SLCO4C1: variants seen among roughly 807,000 people sequenced by gnomAD.
The protein encoded by SLCO4C1 is organic anion transporter M1.
A neutral mutation model predicts 72.1 loss-of-function variants in SLCO4C1; 58 were observed. That is an observed-to-expected ratio of 0.80 (90% confidence interval 0.65 to 1.00). The LOEUF (loss-of-function observed/expected upper bound fraction) is 1.00, where lower values mean the gene tolerates loss of function less well. Among genes scored for constraint, SLCO4C1 ranks in the 50% least tolerant of loss-of-function variants. The probability of loss-of-function intolerance (pLI) is 0.00; values close to 1 mark genes in which losing one functional copy is unlikely to be tolerated. For synonymous variants in SLCO4C1, 297 were observed against 312.5 expected (o/e 0.95, Z 0.52); for missense variants, 898 against 857.9 (o/e 1.05, Z -0.58).
chr5:102,242,701 A>G (rs1446495695), intron 10 of SLCO4C1, among the ~76,000 whole-genome samples: 1 of 152,082 alleles, frequency 6.6e-6, no homozygotes, highest in Non-Finnish European at 1.5e-5. Flanking sequence ...CAGCACCAAT[A>G]CCCAGATACT....
At chr5:102,263,532 A>T (rs2112364443) in intron 4 of SLCO4C1, 152 bp downstream of exon 4, 2 of 547,338 alleles carry the variant, frequency 3.7e-6, no homozygotes, top group Non-Finnish European at 6.3e-6. Context: ...GCCAAATAAG[A>T]TATTATATAA....
At position 102,236,879 on chromosome 5, in the gene SLCO4C1, G is replaced by C; in HGVS notation, c.2154C>G (p.Asn718Lys). 6.2e-7 allele frequency: 1 copy of C among 1,611,730 alleles called. No homozygotes were observed. The highest frequency in any genetic ancestry group is 1.1e-5 in the South Asian group (1 of 90,482). Reference sequence around the variant, plus strand: ...CATTTCACCCTTCTTTTACTATTTTGTTGAGATCCTGTTCTGCTAAAACAT... The same window carrying C: ...CATTTCACCCTTCTTTTACTATTTTCTTGAGATCCTGTTCTGCTAAAACAT... ...VTNVLAEQDL[N>K]KIVKEG The change falls in exon 13 of 13, where the codon AAC becomes AAG. Residue 718 changes from asparagine to lysine, a missense_variant. Asn to Lys is a moderately conservative substitution (Grantham distance 94, BLOSUM62 0). Transcript: ENST00000310954.
intron 8 of SLCO4C1, among the ~76,000 whole-genome samples, chr5:102,254,108 A>G (rs1748791731): frequency 6.6e-6 from 1 of 152,120 alleles, no homozygotes; most frequent in Admixed American, 6.5e-5. Flanking sequence ...AAAGTCAAAG[A>G]TTCTTTGCAC....
intron 8 of SLCO4C1, among the ~76,000 whole-genome samples, chr5:102,255,896 C>T (rs183893433): frequency 2.6e-5 from 4 of 152,234 alleles, no homozygotes; most frequent in Admixed American, 2.6e-4. Flanking sequence ...AAGCATTCAA[C>T]AAATGTTGAA....
intron 2 of SLCO4C1, among the ~76,000 whole-genome samples, chr5:102,288,524 C>T (rs1166545952): frequency 5.3e-5 from 8 of 152,316 alleles, no homozygotes; most frequent in Admixed American, 6.5e-5. Flanking sequence ...GATTGGCTCC[C>T]ATTTACTCTT....
chr5:102,250,864 T>C (rs1382553382), intron 8 of SLCO4C1, among the ~76,000 whole-genome samples: 1 of 151,954 alleles, frequency 6.6e-6, no homozygotes, highest in Admixed American at 6.6e-5. Context: ...GGCAGGCACC[T>C]GTAGTCCCAG....
At position 102,239,443 on chromosome 5, in the gene SLCO4C1, A is replaced by G; in HGVS notation, c.1877-55T>C. 10 of 1,300,188 alleles carry G rather than the reference A, an allele frequency of 7.7e-6. 1 individual carries two copies. In the South Asian group the frequency reaches 2.0e-4, roughly 26 times the overall value. The allele number at this position is 1,300,188 out of a possible 1,614,324, so 80.5% of individuals were successfully genotyped here. A position where few individuals can be genotyped will look rare whatever the true frequency, so the allele number is the denominator to read the frequency against. ...AGTAAAGATTACAGTTTAGAATTAC[A>G]GATCTTTTTATACATGATCATACAT... On this transcript the variant is annotated intron_variant, in intron 11 of 12. Transcript: ENST00000310954.
chr5:102,282,298 G>A (rs1749372780), intron 2 of SLCO4C1, among the ~76,000 whole-genome samples: 1 of 151,902 alleles, frequency 6.6e-6, no homozygotes, highest in South Asian at 2.1e-4. Flanking sequence ...AGAATGCTAT[G>A]CAAGAAAATG....
In SLCO4C1 at chr5:102,263,792, A is replaced by G; in HGVS notation, c.803-12T>C. On this transcript the variant is annotated splice_polypyrimidine_tract_variant and intron_variant, in intron 3 of 12. Coordinates refer to ENST00000310954, the MANE Select transcript of SLCO4C1 (RefSeq NM_180991.5). ...AGCATAACCGGTTCCTAGAAGAAGA[A>G]CAGAGACATTGAATACAGTCATATG... 1 of 1,601,158 alleles carries G rather than the reference A, an allele frequency of 6.2e-7. No individual in the cohort carries two copies. The highest frequency in any genetic ancestry group is 8.5e-7 in the Non-Finnish European group (1 of 1,169,696).
At chr5:102,294,367 G>A (rs1438816561) in intron 1 of SLCO4C1, among the ~76,000 whole-genome samples, 1 of 152,170 alleles carries the variant, frequency 6.6e-6, no homozygotes, top group East Asian at 1.9e-4. Flanking sequence ...TATTATCTCA[G>A]ATTAAGCTTC....
At chr5:102,243,843 C>T (rs2112338206) in intron 10 of SLCO4C1, among the ~76,000 whole-genome samples, 1 of 152,152 alleles carries the variant, frequency 6.6e-6, no homozygotes, top group East Asian at 1.9e-4. Context: ...ATTCAAAAAA[C>T]ACAGAGAAGG....
At chr5:102,246,692 T>C (rs997879072) in intron 10 of SLCO4C1, among the ~76,000 whole-genome samples, 1 of 152,038 alleles carries the variant, frequency 6.6e-6, no homozygotes, top group Non-Finnish European at 1.5e-5. Context: ...AAAGCTATAA[T>C]TCATTAGGAA....
Position 102,235,123 on chromosome 5 carries a change from G to C in SLCO4C1, c.*1735C>G. ...TCCTTGAATTTCACTTTACAATTGC[G>C]CTAGGTTCTAACATCGTTGGCCATA... On this transcript the variant is annotated 3_prime_UTR_variant, in exon 13 of 13. Transcript: ENST00000310954. The C allele has an allele frequency of 6.6e-6, 1 of 152,044 alleles. No homozygotes were observed. The highest frequency in any genetic ancestry group is 3.4e-3 in the Middle Eastern group (1 of 294). 9.4% of individuals were successfully genotyped at this position (152,044 alleles called of 1,614,324 possible).
At chr5:102,250,413 C>T (rs1452016316) in intron 8 of SLCO4C1, among the ~76,000 whole-genome samples, 3 of 152,204 alleles carry the variant, frequency 2.0e-5, no homozygotes, top group Non-Finnish European at 4.4e-5. Context: ...AAAATGCATC[C>T]CTTATACCTC....
chr5:102,243,385 T>C (rs1294009646), intron 10 of SLCO4C1, among the ~76,000 whole-genome samples: 2 of 152,130 alleles, frequency 1.3e-5, no homozygotes, highest in Admixed American at 6.5e-5. Context: ...ACAAAAGACC[T>C]TGGAAAAGAC....
intron 2 of SLCO4C1, among the ~76,000 whole-genome samples, chr5:102,279,277 T>C (rs1749309625): frequency 6.6e-6 from 1 of 151,998 alleles, no homozygotes; most frequent in Admixed American, 6.6e-5. Context: ...ATAAATTATA[T>C]CTACTCACCC....
Position 102,270,077 on chromosome 5 carries a change from G to A in SLCO4C1, c.802+547C>T, listed in dbSNP as rs529443315. Among the ~76,000 whole-genome samples the A allele has an allele frequency of 1.2e-3, 189 of 152,188 alleles. 1 individual carries two copies. The highest frequency in any genetic ancestry group is 4.3e-3 in the African/African-American group (178 of 41,550). On this transcript the variant is annotated intron_variant, in intron 3 of 12. Coordinates refer to ENST00000310954, the MANE Select transcript of SLCO4C1 (RefSeq NM_180991.5). ...TGTTAGATTAACAGACTGATAAAGA[G>A]AAAACTCATATGCAAATAAAGTATT...
chr5:102,260,127 C>A, intron 6 of SLCO4C1, 86 bp downstream of exon 6: 1 of 303,722 alleles, frequency 3.3e-6, no homozygotes, highest in Non-Finnish European at 5.9e-6. Context: ...ATAAACACAT[C>A]TACACATATG....
chr5:102,243,540 G>A (rs758587336), intron 10 of SLCO4C1, among the ~76,000 whole-genome samples: 6 of 152,174 alleles, frequency 3.9e-5, no homozygotes, highest in Admixed American at 1.3e-4. Flanking sequence ...ACTGGCCTTC[G>A]GGTGCCCCTT....
Sources: gnomAD v4.1 joint callset for allele counts (sites outside exome capture counted in the v4.1 genomes callset) on GRCh38, gnomAD v4.1.1 for gene constraint, MANE v1.5 for transcripts, NCBI Gene and HGNC (gene_info 2026-07-23, HGNC 2026-07-21) for gene names.